CTNNA3: variants seen among roughly 807,000 people sequenced by gnomAD.
CTNNA3 encodes catenin alpha-3.
Under a neutral mutation model 95.7 loss-of-function variants are expected in CTNNA3, and 76 were observed. The ratio of observed to expected loss-of-function variants is 0.79; its 90% confidence interval spans 0.66 to 0.96. The LOEUF is 0.96. Ranked by LOEUF, CTNNA3 falls within the 40% of genes least tolerant of loss-of-function variation. The pLI is 0.00. For synonymous variants in CTNNA3, 431 were observed against 374.4 expected (o/e 1.15, Z -1.74); for missense variants, 1,191 against 1,089.8 (o/e 1.09, Z -1.31).
intron 7 of CTNNA3, among the ~76,000 whole-genome samples, chr10:66,824,328 A>T (rs1842417485): frequency 6.6e-6 from 1 of 152,206 alleles, no homozygotes; most frequent in African/African-American, 2.4e-5. Flanking sequence ...ACGGACTAGG[A>T]TACAGCTAAG....
intron 13 of CTNNA3, among the ~76,000 whole-genome samples, chr10:66,258,324 G>C (rs1324035901): frequency 6.6e-6 from 1 of 152,194 alleles, no homozygotes; most frequent in Non-Finnish European, 1.5e-5. Flanking sequence ...GGTACAAAGA[G>C]CCTCTCTAGC....
rs189332992 is a variant in CTNNA3, at chr10:66,689,362, C to T, written c.1282-67578G>A. Among the ~76,000 whole-genome samples, 249 of 152,206 alleles carry T rather than the reference C, an allele frequency of 1.6e-3. 1 individual carries two copies. Among genetic ancestry groups the T allele is most frequent in the African/African-American group, 5.5e-3 (230 of 41,528 alleles). On this transcript the variant is annotated intron_variant, in intron 9 of 17. Coordinates refer to ENST00000433211, the MANE Select transcript of CTNNA3 (RefSeq NM_013266.4). Reference sequence around the variant, plus strand: ...GACAGTTGTCCCATAAAGCTCTCTCCAAAATTAGGTAATCAAAGAAAACTA... The same window carrying T: ...GACAGTTGTCCCATAAAGCTCTCTCTAAAATTAGGTAATCAAAGAAAACTA...
intron 6 of CTNNA3, among the ~76,000 whole-genome samples, chr10:67,190,233 T>C (rs1380003368): frequency 4.6e-5 from 7 of 152,076 alleles, no homozygotes; most frequent in South Asian, 2.1e-4. Flanking sequence ...GATGAATCTA[T>C]ATATAATAGC....
chr10:66,353,226 A>G (rs2092580772), intron 12 of CTNNA3, among the ~76,000 whole-genome samples: 1 of 152,118 alleles, frequency 6.6e-6, no homozygotes, highest in Admixed American at 6.5e-5. Flanking sequence ...ATTAAAATAG[A>G]ATAGATTCAT....
chr10:66,011,731 T>G (rs2079009075), intron 15 of CTNNA3, among the ~76,000 whole-genome samples: 1 of 152,200 alleles, frequency 6.6e-6, no homozygotes, highest in Non-Finnish European at 1.5e-5. Context: ...GTTTCATTTA[T>G]TCTCTTAAGG....
Position 66,520,730 on chromosome 10 carries a change from T to A in CTNNA3, c.1418A>T (p.Gln473Leu), listed in dbSNP as rs1433741415. 6.2e-7 allele frequency: 1 copy of A among 1,613,156 alleles called. No individual in the cohort carries two copies. Among genetic ancestry groups the A allele is most frequent in the Admixed American group, 1.7e-5 (1 of 59,880 alleles). Residue 473 changes from glutamine (Q) to leucine (L), a missense_variant, in exon 11 of 18, where the codon CAA becomes CTA. Coordinates refer to ENST00000433211, the MANE Select transcript of CTNNA3 (RefSeq NM_013266.4). ...ALALAARPKS[Q>L]AVKNTMEMYK... is the part of the protein sequence containing the mutation. ...CATTTCCATGGTGTTTTTGACCGCT[T>A]GACTTTTGGGTCTTGCAGCCAAAGC... is the stretch of plus-strand genomic sequence containing the variant.
In CTNNA3 at chr10:67,564,375, G is replaced by C. The variant is rs1184308442; in HGVS notation, c.293-24706C>G. Among the ~76,000 whole-genome samples the C allele has an allele frequency of 1.9e-4, 28 of 148,444 alleles. 2 individuals are homozygous for C. The highest frequency in any genetic ancestry group is 3.7e-4 in the Non-Finnish European group (25 of 67,062). On this transcript the variant is annotated intron_variant, in intron 3 of 17. Coordinates refer to ENST00000433211, the MANE Select transcript of CTNNA3 (RefSeq NM_013266.4). ...GGATGGAGCTGGTAACCACCATTCT[G>C]AGCAAACTATCGCAAGGACAGAAAA... is the stretch of plus-strand genomic sequence containing the variant.
intron 9 of CTNNA3, among the ~76,000 whole-genome samples, chr10:66,722,571 C>T (rs1238303324): frequency 2.2e-5 from 3 of 135,538 alleles, no homozygotes; most frequent in Admixed American, 1.6e-4. Flanking sequence ...TCAACTCCCT[C>T]CCCCCACCCC....
At chr10:66,857,883 G>C (rs1289284935) in intron 7 of CTNNA3, among the ~76,000 whole-genome samples, 2 of 152,018 alleles carry the variant, frequency 1.3e-5, no homozygotes, top group African/African-American at 4.8e-5. Context: ...CTTTCTATTT[G>C]GATGTCTTTA....
intron 15 of CTNNA3, among the ~76,000 whole-genome samples, chr10:65,989,183 C>A (rs1369720822): frequency 6.6e-6 from 1 of 152,204 alleles, no homozygotes; most frequent in Non-Finnish European, 1.5e-5. Flanking sequence ...TCGTGATCCA[C>A]CCGCCTCGGC....
chr10:65,961,673 C>A (rs1288516684), intron 17 of CTNNA3, among the ~76,000 whole-genome samples: 1 of 151,822 alleles, frequency 6.6e-6, no homozygotes, highest in Non-Finnish European at 1.5e-5. Flanking sequence ...AGGATTAACA[C>A]ACAAACAAAC....
At chr10:67,747,606 G>C (rs1309089216) in intron 1 of CTNNA3, among the ~76,000 whole-genome samples, 1 of 152,170 alleles carries the variant, frequency 6.6e-6, no homozygotes, top group African/African-American at 2.4e-5. Context: ...CCATCCAAAG[G>C]TCAGCAGCCT....
intron 3 of CTNNA3, among the ~76,000 whole-genome samples, chr10:67,566,206 A>G (rs1337964154): frequency 7.1e-6 from 1 of 141,734 alleles, no homozygotes; most frequent in African/African-American, 2.6e-5. Flanking sequence ...CTGCACAGCA[A>G]AAGAAACTAC....
At chr10:66,268,147 A>T (rs1361306210) in intron 13 of CTNNA3, among the ~76,000 whole-genome samples, 2 of 152,124 alleles carry the variant, frequency 1.3e-5, no homozygotes, top group African/African-American at 4.8e-5. Flanking sequence ...CGATGACAGA[A>T]GTGGGTCACT....
chr10:66,361,691 CCACA>C (rs2092677006), intron 12 of CTNNA3, among the ~76,000 whole-genome samples: 1 of 151,660 alleles, frequency 6.6e-6, no homozygotes, highest in Non-Finnish European at 1.5e-5. Flanking sequence ...GGGTGCACCA[CCACA>C]CTTGGTTGAT....
chr10:67,527,967 A>G (rs1339645513), intron 4 of CTNNA3, among the ~76,000 whole-genome samples: 1 of 152,136 alleles, frequency 6.6e-6, no homozygotes, highest in Non-Finnish European at 1.5e-5. Context: ...GCTCCTGCTC[A>G]TTCTGCTCAT....
intron 7 of CTNNA3, among the ~76,000 whole-genome samples, chr10:67,124,269 T>C (rs1004357436): frequency 6.6e-6 from 1 of 151,952 alleles, no homozygotes; most frequent in African/African-American, 2.4e-5. Flanking sequence ...TTATGATTAA[T>C]GGGAGCCAGT....
chr10:66,960,633 C>T (rs537423166), intron 7 of CTNNA3, among the ~76,000 whole-genome samples: 58 of 152,140 alleles, frequency 3.8e-4, no homozygotes, highest in Non-Finnish European at 7.5e-4. Flanking sequence ...TGAACATATT[C>T]CATCTTTGAC....
intron 16 of CTNNA3, among the ~76,000 whole-genome samples, chr10:65,977,024 C>A (rs2078220258): frequency 6.6e-6 from 1 of 152,080 alleles, no homozygotes; most frequent in South Asian, 2.1e-4. Context: ...CAATGCTTTT[C>A]CCACCTTTTA....
Sources: allele counts gnomAD v4.1 joint callset (sites outside exome capture counted in the v4.1 genomes callset), GRCh38; gene constraint gnomAD v4.1.1; transcripts MANE v1.5; gene names NCBI Gene and HGNC (gene_info 2026-07-23, HGNC 2026-07-21).